TMEFF2: variants seen among roughly 807,000 people sequenced by gnomAD.
The protein encoded by TMEFF2 is tomoregulin-2.
Under a neutral mutation model 53.8 loss-of-function variants are expected in TMEFF2, and 28 were observed. That is an observed-to-expected ratio of 0.52 (90% CI 0.39 to 0.71). TMEFF2 has a LOEUF of 0.71. Among genes scored for constraint, TMEFF2 ranks in the 30% least tolerant of loss-of-function variants. TMEFF2 has a pLI of 0.00. For missense variants in TMEFF2, 353 were observed against 455.2 expected, an observed-to-expected ratio of 0.78 and a Z score of 2.04; for synonymous variants, 162 against 166.3, an observed-to-expected ratio of 0.97 and a Z score of 0.20.
intron 5 of TMEFF2, among the ~76,000 whole-genome samples, chr2:192,019,220 T>A (rs1225218551): frequency 6.6e-6 from 1 of 150,974 alleles, no homozygotes; most frequent in Non-Finnish European, 1.5e-5. Flanking sequence ...AAGTAGGCTA[T>A]TTTTTTTTAA....
chr2:192,186,816 A>G (rs6720048), intron 2 of TMEFF2, among the ~76,000 whole-genome samples: 152,214 of 152,288 alleles, frequency 1, 76,070 homozygotes, highest in Middle Eastern at 1. Flanking sequence ...CTCAAATATA[A>G]AGTCAGTGAA....
intron 4 of TMEFF2, among the ~76,000 whole-genome samples, chr2:192,164,707 A>G (rs1314564428): frequency 6.8e-6 from 1 of 146,408 alleles, no homozygotes; most frequent in African/African-American, 2.5e-5. Flanking sequence ...CAGCCTGGTG[A>G]CATAGCGAGA....
chr2:192,180,777 A>C (rs1691167094), intron 3 of TMEFF2, among the ~76,000 whole-genome samples: 1 of 151,762 alleles, frequency 6.6e-6, no homozygotes, highest in East Asian at 1.9e-4. Flanking sequence ...GAAGGCTGAC[A>C]AATATGGAAG....
chr2:192,112,676 T>G (rs1689311086), intron 4 of TMEFF2, among the ~76,000 whole-genome samples: 1 of 152,108 alleles, frequency 6.6e-6, no homozygotes, highest in African/African-American at 2.4e-5. Context: ...AGGGGTGGAA[T>G]GATATGGTTG....
intron 4 of TMEFF2, among the ~76,000 whole-genome samples, chr2:192,065,162 AGTTAAGGTGT>A (rs1272030022): frequency 2.0e-5 from 3 of 151,820 alleles, no homozygotes; most frequent in Non-Finnish European, 4.4e-5. Context: ...ATTTGATAAT[AGTTAAGGTGT>A]GTTTCTTCTA....
chr2:192,144,385 A>G (rs528157556), intron 4 of TMEFF2, among the ~76,000 whole-genome samples: 3 of 152,206 alleles, frequency 2.0e-5, no homozygotes, highest in African/African-American at 7.2e-5. Context: ...ACTGCTTTTC[A>G]TCTTCTAGTC....
intron 5 of TMEFF2, chr2:192,038,170 C>T (rs1029230944): frequency 6.6e-6 from 1 of 152,122 alleles, no homozygotes; most frequent in Non-Finnish European, 1.5e-5. Flanking sequence ...TTCACTATGC[C>T]CCAGGTTTTC....
At chr2:192,153,812 T>C (rs1199773134) in intron 4 of TMEFF2, among the ~76,000 whole-genome samples, 2 of 151,872 alleles carry the variant, frequency 1.3e-5, no homozygotes, top group African/African-American at 2.4e-5. Flanking sequence ...AAAGTGCTGA[T>C]GCTACTCAAA....
intron 4 of TMEFF2, among the ~76,000 whole-genome samples, chr2:192,116,459 A>G (rs935670365): frequency 3.9e-5 from 6 of 151,974 alleles, no homozygotes; most frequent in Non-Finnish European, 7.4e-5. Context: ...AAACTTGCTA[A>G]GACAGAGTAA....
chr2:192,148,343 A>G (rs1455844006), intron 4 of TMEFF2, among the ~76,000 whole-genome samples: 2 of 152,006 alleles, frequency 1.3e-5, no homozygotes, highest in African/African-American at 2.4e-5. Context: ...ACTATCACAG[A>G]AGGGAAAGGC....
At chr2:192,133,298 C>A (rs776330511) in intron 4 of TMEFF2, among the ~76,000 whole-genome samples, 1 of 152,126 alleles carries the variant, frequency 6.6e-6, no homozygotes, top group Non-Finnish European at 1.5e-5. Context: ...ATCCCCCCAC[C>A]TTAACCCACA....
intron 5 of TMEFF2, among the ~76,000 whole-genome samples, chr2:192,040,024 A>G (rs1179168731): frequency 6.6e-6 from 1 of 152,142 alleles, no homozygotes; most frequent in East Asian, 1.9e-4. Context: ...AAGTTCCAAT[A>G]TAAATAATTT....
At chr2:192,055,630 C>A (rs1687884643) in intron 5 of TMEFF2, among the ~76,000 whole-genome samples, 1 of 151,796 alleles carries the variant, frequency 6.6e-6, no homozygotes, top group African/African-American at 2.4e-5. Flanking sequence ...CAAAAATTAG[C>A]CGGGCATGGT....
At chr2:192,183,730 A>T (rs771555899) in intron 3 of TMEFF2, among the ~76,000 whole-genome samples, 9 of 152,104 alleles carry the variant, frequency 5.9e-5, no homozygotes, top group Non-Finnish European at 1.2e-4. Flanking sequence ...TACAGAGCAC[A>T]TGAAGTCACT....
chr2:192,123,384 A>G lies in TMEFF2; in HGVS notation c.439+56284T>C, dbSNP rs1689604951. Among the ~76,000 whole-genome samples, 7 of 152,306 alleles carry G rather than the reference A, an allele frequency of 4.6e-5. No homozygotes were observed. In the South Asian group the frequency reaches 1.4e-3, roughly 32 times the overall value. The stretch of plus-strand genomic sequence containing the variant: ...ATTGAGGTAATCGATCTAGATTACA[A>G]AAACAATTAAAACTGAGTGAACCAT... On this transcript the variant is annotated intron_variant, in intron 4 of 9. Coordinates refer to ENST00000272771, the MANE Select transcript of TMEFF2 (RefSeq NM_016192.4).
intron 4 of TMEFF2, among the ~76,000 whole-genome samples, chr2:192,127,252 A>C (rs1016988197): frequency 6.6e-6 from 1 of 152,206 alleles, no homozygotes; most frequent in Non-Finnish European, 1.5e-5. Context: ...CCTATTGTTC[A>C]TCAAGGTATA....
chr2:192,181,466 G>C (rs960146437), intron 3 of TMEFF2, among the ~76,000 whole-genome samples: 3 of 151,564 alleles, frequency 2.0e-5, no homozygotes, highest in Admixed American at 6.6e-5. Flanking sequence ...ATGCATAAAG[G>C]CTTAGGAGTT....
At chr2:192,031,803 GT>G (rs1223265029) in intron 5 of TMEFF2, 1 of 152,134 alleles carries the variant, frequency 6.6e-6, no homozygotes, top group Non-Finnish European at 1.5e-5. Flanking sequence ...GTGGTATGTA[GT>G]TTTTCAAGGA....
intron 2 of TMEFF2, among the ~76,000 whole-genome samples, chr2:192,188,942 G>A (rs1196934232): frequency 6.6e-6 from 1 of 151,774 alleles, no homozygotes; most frequent in Non-Finnish European, 1.5e-5. Context: ...ATACCTGGGT[G>A]ATGAAATGAT....
Sources: allele counts gnomAD v4.1 joint callset (sites outside exome capture counted in the v4.1 genomes callset), GRCh38; gene constraint gnomAD v4.1.1; transcripts MANE v1.5; gene names NCBI Gene and HGNC (gene_info 2026-07-23, HGNC 2026-07-21).